The following NAALADL2 variants were observed in gnomAD, a reference collection of about 807,000 sequenced individuals.
NAALADL2 encodes the protein inactive N-acetylated-alpha-linked acidic dipeptidase-like protein 2.
Under a neutral mutation model 87.2 loss-of-function variants are expected in NAALADL2, and 76 were observed. The observed-to-expected ratio is 0.87, with a 90% CI of 0.72 to 1.05. The LOEUF is 1.05. NAALADL2 is among the 50% of genes least tolerant of loss of function. The probability of loss-of-function intolerance (pLI) is 0.00; values close to 1 mark genes in which losing one functional copy is unlikely to be tolerated. For missense variants in NAALADL2, 1,089 were observed against 945.8 expected (o/e 1.15, Z -1.99); for synonymous variants, 354 against 331.0 (o/e 1.07, Z -0.75).
chr3:175,291,443 C>G (rs1239135638), intron 4 of NAALADL2, among the ~76,000 whole-genome samples: 2 of 152,076 alleles, frequency 1.3e-5, no homozygotes, highest in Non-Finnish European at 2.9e-5. Flanking sequence ...TTAGACATTG[C>G]ATGTCTAGTT....
rs1025057101 is a variant in NAALADL2, at chr3:175,627,497, A to G, written c.1896+111A>G. 5 of 666,192 alleles carry G rather than the reference A, an allele frequency of 7.5e-6. No individual in the cohort carries two copies. In the African/African-American group the frequency reaches 9.2e-5, roughly 12 times the overall value. The allele number at this position is 666,192 out of a possible 1,614,324, so 41.3% of individuals were successfully genotyped here. On this transcript the variant is annotated intron_variant, in intron 11 of 13. Transcript: ENST00000454872. The stretch of plus-strand genomic sequence containing the variant: ...GAGCAATCCGTATATTTTCATTTGT[A>G]GAATATATAAGAAAGGATTTTAGTA...
At chr3:174,957,375 G>C (rs999047102) in intron 1 of NAALADL2, among the ~76,000 whole-genome samples, 2 of 151,966 alleles carry the variant, frequency 1.3e-5, no homozygotes, top group Non-Finnish European at 1.5e-5. Context: ...CCTAGGCCAG[G>C]CCTGAACTAC....
intron 5 of NAALADL2, among the ~76,000 whole-genome samples, chr3:175,446,139 C>T (rs1187678159): frequency 6.6e-6 from 1 of 150,730 alleles, no homozygotes. Context: ...TTGATCTCAT[C>T]ATATTTGCTA....
intron 1 of NAALADL2, among the ~76,000 whole-genome samples, chr3:174,961,149 G>T (rs1449956064): frequency 6.7e-6 from 1 of 148,414 alleles, no homozygotes; most frequent in African/African-American, 2.5e-5. Context: ...ATAATACAAT[G>T]ATTTTCTCAT....
intron 11 of NAALADL2, among the ~76,000 whole-genome samples, chr3:175,651,909 A>T (rs1730814637): frequency 6.6e-6 from 1 of 152,232 alleles, no homozygotes; most frequent in South Asian, 2.1e-4. Context: ...AAAACGAAAG[A>T]AAAGCTTGCT....
intron 3 of NAALADL2, among the ~76,000 whole-genome samples, chr3:174,758,205 C>T (rs760724104): frequency 3.3e-5 from 5 of 152,262 alleles, no homozygotes; most frequent in East Asian, 1.9e-4. Flanking sequence ...CTCCCTTCCA[C>T]GTTTTAGAAT....
chr3:175,626,051 T>C (rs1023413542), intron 10 of NAALADL2, among the ~76,000 whole-genome samples: 8 of 152,104 alleles, frequency 5.3e-5, no homozygotes, highest in Non-Finnish European at 8.8e-5. Flanking sequence ...GAGTTGAAGT[T>C]TGGTTAACTC....
At chr3:174,672,470 T>TC (rs77125049) in intron 2 of NAALADL2, among the ~76,000 whole-genome samples, 96,879 of 151,730 alleles carry the variant, frequency 0.64, 31,655 homozygotes, top group Admixed American at 0.72. Flanking sequence ...AGATAAAAAT[T>TC]CTGACCTTCT....
At chr3:175,172,840 AATACT>A (rs1735053849) in intron 2 of NAALADL2, among the ~76,000 whole-genome samples, 1 of 152,124 alleles carries the variant, frequency 6.6e-6, no homozygotes, top group Non-Finnish European at 1.5e-5. Flanking sequence ...GGCGAACTTT[AATACT>A]ATTTGTTTTC....
intron 13 of NAALADL2, among the ~76,000 whole-genome samples, chr3:175,769,146 T>C (rs1749139506): frequency 6.6e-6 from 1 of 152,324 alleles, no homozygotes; most frequent in South Asian, 2.1e-4. Flanking sequence ...TTCAAAATAC[T>C]TATCTAAAAT....
intron 11 of NAALADL2, among the ~76,000 whole-genome samples, chr3:175,701,881 C>T (rs1206280601): frequency 3.3e-5 from 5 of 152,122 alleles, no homozygotes; most frequent in East Asian, 1.9e-4. Flanking sequence ...CTTTTTGTTG[C>T]GAATTGCATA....
intron 2 of NAALADL2, among the ~76,000 whole-genome samples, chr3:174,737,000 C>T (rs1174820434): frequency 6.6e-6 from 1 of 152,194 alleles, no homozygotes; most frequent in Non-Finnish European, 1.5e-5. Flanking sequence ...TTCAACTTTG[C>T]CCCATGATCA....
At chr3:174,912,462 G>T (rs921537997) in intron 1 of NAALADL2, among the ~76,000 whole-genome samples, 1 of 152,088 alleles carries the variant, frequency 6.6e-6, no homozygotes, top group Admixed American at 6.6e-5. Flanking sequence ...ACACCCTAAG[G>T]CTGCAATAGC....
At chr3:175,330,268 T>G (rs998720737) in intron 5 of NAALADL2, among the ~76,000 whole-genome samples, 1 of 152,162 alleles carries the variant, frequency 6.6e-6, no homozygotes, top group African/African-American at 2.4e-5. Context: ...TTTTTTACCT[T>G]GTATGGTTGC....
intron 13 of NAALADL2, among the ~76,000 whole-genome samples, chr3:175,787,210 C>T (rs1449704840): frequency 6.6e-6 from 1 of 152,170 alleles, no homozygotes; most frequent in Non-Finnish European, 1.5e-5. Flanking sequence ...CAGAGGCAGG[C>T]AGGCCTCCTT....
chr3:175,567,547 T>C (rs185476243), intron 9 of NAALADL2, among the ~76,000 whole-genome samples: 209 of 152,230 alleles, frequency 1.4e-3, no homozygotes, highest in African/African-American at 4.9e-3. Context: ...GAGGGTGTTT[T>C]CCAATTTGGC....
At chr3:175,673,276 C>T (rs1357003137) in intron 11 of NAALADL2, among the ~76,000 whole-genome samples, 1 of 152,120 alleles carries the variant, frequency 6.6e-6, no homozygotes, top group African/African-American at 2.4e-5. Flanking sequence ...ATCTGATTTT[C>T]AATTGGACAT....
rs559682725 is a variant in NAALADL2, at chr3:175,486,558, G to A, written c.1653+14800G>A. Among the ~76,000 whole-genome samples, 3 of 152,240 alleles carry A rather than the reference G, an allele frequency of 2.0e-5. No homozygotes were observed. The South Asian group carries it at 6.2e-4, about 32-fold the overall frequency. On this transcript the variant is annotated intron_variant, in intron 9 of 13. Coordinates refer to ENST00000454872, the MANE Select transcript of NAALADL2 (RefSeq NM_207015.3). ...TTCTGTTTTTCGTCATCTTCAGGCT[G>A]TGTGTGAACTTACACCCCCAAATCT...
chr3:174,567,931 A>C (rs547871634), intron 2 of NAALADL2, among the ~76,000 whole-genome samples: 19 of 151,854 alleles, frequency 1.3e-4, no homozygotes, highest in African/African-American at 4.3e-4. Context: ...CAGAAAGCAA[A>C]GCATAAAATA....
Sources: allele counts gnomAD v4.1 joint callset (sites outside exome capture counted in the v4.1 genomes callset), GRCh38; gene constraint gnomAD v4.1.1; transcripts MANE v1.5; gene names NCBI Gene and HGNC (gene_info 2026-07-23, HGNC 2026-07-21).